FBN2: variants seen among roughly 807,000 people sequenced by gnomAD.
FBN2 encodes fibrillin-2.
A neutral mutation model predicts 355.6 loss-of-function variants in FBN2; 105 were observed. That is an observed-to-expected ratio of 0.30 (90% CI 0.25 to 0.35). The LOEUF is 0.35. Ranked by LOEUF, FBN2 falls within the 10% of genes least tolerant of loss-of-function variation. The probability of loss-of-function intolerance (pLI) is 1.00; values close to 1 mark genes in which losing one functional copy is unlikely to be tolerated. For missense variants in FBN2, 3,280 were observed against 3,758.7 expected (o/e 0.87, Z 3.33); for synonymous variants, 1,350 against 1,301.2 (o/e 1.04, Z -0.81).
chr5:128,408,126 A>G (rs1417548707), intron 8 of FBN2, among the ~76,000 whole-genome samples: 1 of 152,176 alleles, frequency 6.6e-6, no homozygotes. Context: ...GACACTTCAT[A>G]ATCTCTATGC....
At chr5:128,275,331 T>TCATACTCA (rs1483485473) in intron 59 of FBN2, among the ~76,000 whole-genome samples, 1 of 152,172 alleles carries the variant, frequency 6.6e-6, no homozygotes, top group African/African-American at 2.4e-5. Flanking sequence ...AACGCTTTAG[T>TCATACTCA]CATACTCATT....
chr5:128,534,346 A>G (rs750623399), intron 2 of FBN2, among the ~76,000 whole-genome samples: 1 of 152,176 alleles, frequency 6.6e-6, no homozygotes, highest in Non-Finnish European at 1.5e-5. Context: ...TCTACATATG[A>G]TCATTTTAAA....
intron 5 of FBN2, among the ~76,000 whole-genome samples, chr5:128,482,570 T>C (rs558568973): frequency 9.9e-5 from 15 of 152,174 alleles, no homozygotes; most frequent in Non-Finnish European, 2.1e-4. Flanking sequence ...TGTTCACTTG[T>C]GGGTAGGAGG....
intron 20 of FBN2, among the ~76,000 whole-genome samples, chr5:128,355,477 A>T (rs1751477357): frequency 6.6e-6 from 1 of 152,200 alleles, no homozygotes; most frequent in Non-Finnish European, 1.5e-5. Flanking sequence ...ATAGATTCTA[A>T]ATCTTTAAAT....
intron 32 of FBN2, 71 bp downstream of exon 32, chr5:128,332,841 C>A: frequency 8.4e-6 from 12 of 1,432,418 alleles, no homozygotes; most frequent in Non-Finnish European, 1.2e-5. Flanking sequence ...GAGCATGATT[C>A]TACAACCATG....
intron 7 of FBN2, among the ~76,000 whole-genome samples, chr5:128,416,602 G>C (rs1027509655): frequency 6.6e-6 from 1 of 152,154 alleles, no homozygotes; most frequent in South Asian, 2.1e-4. Context: ...TGAGAGACAG[G>C]GGTCTAGTTC....
intron 52 of FBN2, 102 bp from the exon 53 acceptor site, chr5:128,288,659 G>A: frequency 7.5e-7 from 1 of 1,339,298 alleles, no homozygotes; most frequent in African/African-American, 1.4e-5. Flanking sequence ...CAGGATCTGA[G>A]AAGGGCACAT....
intron 20 of FBN2, among the ~76,000 whole-genome samples, chr5:128,354,631 T>C (rs1178528895): frequency 6.6e-6 from 1 of 151,772 alleles, no homozygotes; most frequent in African/African-American, 2.4e-5. Flanking sequence ...TGAGAAGGGG[T>C]TGAAATATGG....
chr5:128,412,587 A>T (rs551584466), intron 7 of FBN2, among the ~76,000 whole-genome samples: 48 of 152,288 alleles, frequency 3.2e-4, no homozygotes, highest in African/African-American at 1.1e-3. Flanking sequence ...CAACAACAAC[A>T]ACAACAAAAA....
intron 9 of FBN2, among the ~76,000 whole-genome samples, chr5:128,394,434 G>A (rs1338779757): frequency 5.9e-5 from 9 of 152,120 alleles, no homozygotes; most frequent in Non-Finnish European, 7.4e-5. Flanking sequence ...AAGATCATGA[G>A]AAGAGAGGAA....
chr5:128,509,464 T>C (rs1313488367), intron 5 of FBN2, among the ~76,000 whole-genome samples: 1 of 152,148 alleles, frequency 6.6e-6, no homozygotes, highest in East Asian at 1.9e-4. Flanking sequence ...ATTTTTAATC[T>C]TTCCTCCAAC....
At chr5:128,311,715 T>A (rs1345278018) in intron 38 of FBN2, among the ~76,000 whole-genome samples, 170 bp downstream of exon 38, 1 of 152,142 alleles carries the variant, frequency 6.6e-6, no homozygotes, top group African/African-American at 2.4e-5. Context: ...CTGCAATGGA[T>A]CATTACTGCT....
At chr5:128,326,074 T>C (rs1377970272) in intron 34 of FBN2, among the ~76,000 whole-genome samples, 5 of 152,246 alleles carry the variant, frequency 3.3e-5, no homozygotes, top group African/African-American at 1.2e-4. Context: ...TTTGTGTTTT[T>C]CTTCCTTTCG....
intron 63 of FBN2, among the ~76,000 whole-genome samples, 176 bp downstream of exon 63, chr5:128,263,249 C>A (rs1431760332): frequency 2.0e-5 from 3 of 152,160 alleles, no homozygotes; most frequent in African/African-American, 7.2e-5. Flanking sequence ...AATGCTATAC[C>A]CTGAGCACAG....
chr5:128,263,608 T>C lies in FBN2; in HGVS notation c.8009A>G (p.Tyr2670Cys). Reference sequence around the variant, plus strand: ...GCACTTGTAACTCCCCAGGGTGTTGTAGCAGGAAGCAGAGCCACAGGCATT... The same window carrying C: ...GCACTTGTAACTCCCCAGGGTGTTGCAGCAGGAAGCAGAGCCACAGGCATT... ...NPNACGSASC[Y>C]NTLGSYKCAC... Residue 2670 changes from tyrosine (Y) to cysteine (C), a missense_variant, in exon 63 of 65, where the codon TAC becomes TGC. Around this residue, in one of 6 missense-constraint regions of FBN2, gnomAD observed 311 missense variants for 319.1 expected, o/e 0.97. Transcript: ENST00000262464. 6.2e-7 allele frequency: 1 copy of C among 1,614,076 alleles called. No homozygotes were observed. Among genetic ancestry groups the C allele is most frequent in the Non-Finnish European group, 8.5e-7 (1 of 1,179,998 alleles).
chr5:128,446,358 A>G (rs1158981900), intron 7 of FBN2, 123 bp downstream of exon 7: 14 of 1,046,452 alleles, frequency 1.3e-5, no homozygotes, highest in African/African-American at 4.7e-5. Flanking sequence ...GCTTAAACCT[A>G]TGCTTTCATA....
At chr5:128,446,299 C>A in intron 7 of FBN2, 182 bp downstream of exon 7, 1 of 577,312 alleles carries the variant, frequency 1.7e-6, no homozygotes, top group Non-Finnish European at 3.1e-6. Context: ...TGACTCTTTT[C>A]AAATCAAACC....
intron 11 of FBN2, among the ~76,000 whole-genome samples, chr5:128,384,954 A>C (rs1561430138): frequency 6.6e-6 from 1 of 152,090 alleles, no homozygotes; most frequent in South Asian, 2.1e-4. Flanking sequence ...TAATTCTCAA[A>C]ATTTTTAGAA....
At chr5:128,531,476 T>C (rs1756704421) in intron 2 of FBN2, among the ~76,000 whole-genome samples, 1 of 152,032 alleles carries the variant, frequency 6.6e-6, no homozygotes, top group Non-Finnish European at 1.5e-5. Flanking sequence ...GCTCAGGTGA[T>C]GGATGCACCA....
Sources: gnomAD v4.1 joint callset for allele counts (sites outside exome capture counted in the v4.1 genomes callset) on GRCh38, gnomAD v4.1.1 for gene constraint, gnomAD v4.1.1 regional missense constraint, MANE v1.5 for transcripts, NCBI Gene and HGNC (gene_info 2026-07-23, HGNC 2026-07-21) for gene names.